Variants in SLC16A2 observed in about 807,000 individuals in gnomAD.
SLC16A2 encodes solute carrier family 16 member 2.
SLC16A2 carries 3 observed loss-of-function variants against 27.2 expected under a neutral mutation model. The observed-to-expected ratio is 0.11, with a 90% CI of 0.05 to 0.28. SLC16A2 has a LOEUF of 0.28. Ranked by LOEUF, SLC16A2 falls within the 10% of genes least tolerant of loss-of-function variation. The pLI is 1.00. For synonymous variants in SLC16A2, 202 were observed against 187.8 expected (o/e 1.08, Z -0.62); for missense variants, 295 against 458.5 (o/e 0.64, Z 3.26).
At chrX:74,483,833 GC>G (rs1929668696) in intron 1 of SLC16A2, among the ~76,000 whole-genome samples, 1 of 111,260 alleles carries the variant, frequency 9.0e-6, no homozygotes, top group Non-Finnish European at 1.9e-5. Flanking sequence ...AGTATTATTG[GC>G]CCACCATGCT....
intron 2 of SLC16A2, among the ~76,000 whole-genome samples, chrX:74,523,046 GT>G (rs1156678685): frequency 1.8e-5 from 2 of 110,263 alleles, no homozygotes; most frequent in African/African-American, 6.6e-5. Context: ...CAAATCCTAT[GT>G]TTTTCCCCCA....
At chrX:74,453,474 T>C (rs935068109) in intron 1 of SLC16A2, among the ~76,000 whole-genome samples, 10 of 111,836 alleles carry the variant, frequency 8.9e-5, no homozygotes, top group African/African-American at 2.9e-4. Flanking sequence ...TCTGGTTTCA[T>C]TGGCTCAGAG....
rs746117006 is a variant in SLC16A2 at position 74,531,471 on chromosome X, G to C, written c.1538G>C (p.Ser513Thr). 3.7e-5 allele frequency: 45 copies of C among 1,209,997 alleles called. No individual in the cohort carries two copies. Among genetic ancestry groups the C allele is most frequent in the Non-Finnish European group, 4.7e-5 (42 of 895,097 alleles). The change falls in exon 6 of 6, where the codon AGC (serine) becomes ACC (threonine). Residue 513 changes from serine to threonine, a missense_variant. By Grantham distance (58) the Ser-to-Thr change is moderately conservative. This residue lies in a region of SLC16A2 where 144 missense variants were observed against 219.8 expected (regional missense o/e 0.66). Coordinates refer to ENST00000587091, the MANE Select transcript of SLC16A2 (RefSeq NM_006517.5). ...RMFKKEQRDS[S>T]KDKMLAPDPD... ...TTCAAGAAAGAGCAGAGAGATTCCA[G>C]CAAGGATAAGATGTTGGCCCCTGAC...
intron 1 of SLC16A2, among the ~76,000 whole-genome samples, chrX:74,485,170 C>A (rs993942743): frequency 9.7e-6 from 1 of 103,049 alleles, no homozygotes; most frequent in African/African-American, 3.6e-5. Flanking sequence ...GAGTTGAGAT[C>A]GCACCATTGC....
At chrX:74,487,317 C>A (rs1370007435) in intron 1 of SLC16A2, among the ~76,000 whole-genome samples, 1 of 110,725 alleles carries the variant, frequency 9.0e-6, no homozygotes, top group Non-Finnish European at 1.9e-5. Flanking sequence ...GGGGGATATC[C>A]CAGTCATTAT....
intron 1 of SLC16A2, among the ~76,000 whole-genome samples, chrX:74,503,395 A>T (rs1338881974): frequency 1.8e-5 from 2 of 111,583 alleles, no homozygotes; most frequent in Non-Finnish European, 3.8e-5. Context: ...TCAGGAGTGG[A>T]ATTTCTCCAC....
intron 1 of SLC16A2, among the ~76,000 whole-genome samples, chrX:74,477,618 A>G (rs1247988742): frequency 8.9e-6 from 1 of 112,111 alleles, no homozygotes; most frequent in African/African-American, 3.2e-5. Context: ...GTGGGCAGTT[A>G]GTGCTATAAA....
At chrX:74,445,107 A>G (rs1023972358) in intron 1 of SLC16A2, among the ~76,000 whole-genome samples, 4 of 112,077 alleles carry the variant, frequency 3.6e-5, no homozygotes, top group Non-Finnish European at 7.5e-5. Flanking sequence ...ATTGCAGATA[A>G]GGAAATTGAG....
Position 74,531,603 on chromosome X carries a change from A to G in SLC16A2, c.*50A>G, listed in dbSNP as rs1472451854. On this transcript the variant is annotated 3_prime_UTR_variant, in exon 6 of 6. Coordinates refer to ENST00000587091, the MANE Select transcript of SLC16A2 (RefSeq NM_006517.5). ...TTTCCCAGCTCTTCCCCTTCATCCC[A>G]CCCTGCTCAGCATTTACATTTTTGC... 1.0e-6 allele frequency: 1 copy of G among 1,003,306 alleles called. No individual in the cohort carries two copies. Among genetic ancestry groups the G allele is most frequent in the Non-Finnish European group, 1.4e-6 (1 of 709,154 alleles). The allele number at this position is 1,003,306 out of a possible 1,213,427, so 82.7% of individuals were successfully genotyped here.
chrX:74,506,011 G>A (rs1192542472), intron 1 of SLC16A2, among the ~76,000 whole-genome samples: 1 of 112,177 alleles, frequency 8.9e-6, no homozygotes, highest in Admixed American at 9.4e-5. Flanking sequence ...CTTCTTCTCT[G>A]GTGGTGGGAC....
At chrX:74,454,781 C>A (rs1221796514) in intron 1 of SLC16A2, among the ~76,000 whole-genome samples, 1 of 111,497 alleles carries the variant, frequency 9.0e-6, no homozygotes, top group Non-Finnish European at 1.9e-5. Flanking sequence ...TTATGATACC[C>A]TCTTTGCCAT....
intron 4 of SLC16A2, among the ~76,000 whole-genome samples, chrX:74,527,757 G>C (rs1341579899): frequency 3.5e-5 from 4 of 112,741 alleles, no homozygotes; most frequent in African/African-American, 1.3e-4. Flanking sequence ...CAGACAGCTA[G>C]ATACAATAGG....
At chrX:74,481,704 G>T (rs1929623645) in intron 1 of SLC16A2, among the ~76,000 whole-genome samples, 1 of 106,519 alleles carries the variant, frequency 9.4e-6, no homozygotes, top group African/African-American at 3.4e-5. Flanking sequence ...TATTTTATTT[G>T]TTCCTGTTAA....
intron 1 of SLC16A2, among the ~76,000 whole-genome samples, chrX:74,428,938 T>G (rs1928475235): frequency 1.8e-5 from 2 of 111,530 alleles, no homozygotes; most frequent in Non-Finnish European, 3.8e-5. Flanking sequence ...TTCATACTGG[T>G]TTTTGGTAGC....
intron 1 of SLC16A2, among the ~76,000 whole-genome samples, chrX:74,439,275 T>TCCTC (rs1398436804): frequency 1.0e-5 from 1 of 97,202 alleles, no homozygotes; most frequent in Non-Finnish European, 2.0e-5. Context: ...CTCCCTTCCT[T>TCCTC]CCTCCCTCCC....
chrX:74,513,735 T>A (rs1043693663), intron 1 of SLC16A2, among the ~76,000 whole-genome samples: 1 of 111,778 alleles, frequency 8.9e-6, no homozygotes, highest in Non-Finnish European at 1.9e-5. Flanking sequence ...TTATAGAAAA[T>A]TTTCTCTCAC....
chrX:74,513,232 G>T (rs1399946964), intron 1 of SLC16A2, among the ~76,000 whole-genome samples: 1 of 111,874 alleles, frequency 8.9e-6, no homozygotes, highest in Non-Finnish European at 1.9e-5. Flanking sequence ...ATGTTACAAG[G>T]TTCCACCTCT....
intron 1 of SLC16A2, among the ~76,000 whole-genome samples, chrX:74,456,917 G>A (rs764006081): frequency 9.8e-4 from 110 of 112,133 alleles, no homozygotes; most frequent in African/African-American, 3.4e-3. Context: ...AAACAGGGAC[G>A]TGACTAGGGT....
intron 1 of SLC16A2, among the ~76,000 whole-genome samples, chrX:74,465,861 C>G (rs1203699026): frequency 9.0e-6 from 1 of 111,207 alleles, no homozygotes; most frequent in Admixed American, 9.6e-5. Flanking sequence ...GCTGACTGAT[C>G]TGCTTACAAA....
Sources: allele counts gnomAD v4.1 joint callset (sites outside exome capture counted in the v4.1 genomes callset), GRCh38; gene constraint gnomAD v4.1.1; regional missense constraint gnomAD v4.1.1; transcripts MANE v1.5; gene names NCBI Gene and HGNC (gene_info 2026-07-23, HGNC 2026-07-21).